ZNF106: variants seen among roughly 807,000 people sequenced by gnomAD.
The protein encoded by ZNF106 is zinc finger protein 106.
ZNF106 carries 67 observed loss-of-function variants against 195.1 expected under a neutral mutation model. The ratio of observed to expected loss-of-function variants is 0.34; its 90% CI spans 0.28 to 0.42. The LOEUF is 0.42. Among genes scored for constraint, ZNF106 ranks in the 10% least tolerant of loss-of-function variants. ZNF106 has a pLI of 1.00. For synonymous variants in ZNF106, 784 were observed against 818.6 expected, an observed-to-expected ratio of 0.96 and a Z score of 0.72; for missense variants, 2,118 against 2,304.5, an observed-to-expected ratio of 0.92 and a Z score of 1.66.
chr15:42,459,612 A>G (rs1194960307), intron 3 of ZNF106, among the ~76,000 whole-genome samples: 3 of 152,242 alleles, frequency 2.0e-5, no homozygotes, highest in Non-Finnish European at 4.4e-5. Context: ...CTGTTTCTCA[A>G]AGCAACACAC....
chr15:42,441,924 C>A, intron 10 of ZNF106, 149 bp downstream of exon 10: 1 of 555,982 alleles, frequency 1.8e-6, no homozygotes, highest in South Asian at 3.0e-5. Flanking sequence ...TAAAAGAATC[C>A]TCCTGTATAT....
At chr15:42,482,695 AT>A (rs1216483715) in intron 1 of ZNF106, among the ~76,000 whole-genome samples, 1 of 151,582 alleles carries the variant, frequency 6.6e-6, no homozygotes, top group African/African-American at 2.4e-5. Flanking sequence ...CACCTGGCTA[AT>A]TTTTTTGTAT....
intron 5 of ZNF106, among the ~76,000 whole-genome samples, chr15:42,449,331 A>G (rs1432134722): frequency 6.6e-6 from 1 of 152,250 alleles, no homozygotes; most frequent in Non-Finnish European, 1.5e-5. Flanking sequence ...TGCCCAGAGT[A>G]CATACAGAAA....
At position 42,417,044 on chromosome 15, in the gene ZNF106, T is replaced by C; in HGVS notation, c.*260A>G. ...AAACATCTGGAGAACGCAAATAGCA[T>C]ATATCACTATATGCCATGCTGTCCC... On this transcript the variant is annotated 3_prime_UTR_variant, in exon 22 of 22. Coordinates refer to ENST00000564754, the MANE Select transcript of ZNF106 (RefSeq NM_001366845.3). 1 of 406,850 alleles carries C rather than the reference T, an allele frequency of 2.5e-6. No individual in the cohort carries two copies. The allele number at this position is 406,850 out of a possible 1,614,324, so 25.2% of individuals were successfully genotyped here.
intron 4 of ZNF106, 78 bp downstream of exon 4, chr15:42,456,880 A>G: frequency 6.0e-6 from 8 of 1,342,296 alleles, no homozygotes; most frequent in Non-Finnish European, 7.2e-6. Flanking sequence ...CCATGGGCTG[A>G]CCAGTACAAA....
chr15:42,488,715 G>A (rs571612225), intron 1 of ZNF106, among the ~76,000 whole-genome samples: 27 of 152,072 alleles, frequency 1.8e-4, no homozygotes, highest in Non-Finnish European at 2.8e-4. Flanking sequence ...CAGACTACAC[G>A]TGCACTAATC....
intron 15 of ZNF106, among the ~76,000 whole-genome samples, chr15:42,426,139 G>T (rs533729106): frequency 6.6e-6 from 1 of 152,082 alleles, no homozygotes; most frequent in Non-Finnish European, 1.5e-5. Context: ...CCCAAAGGTG[G>T]ACCGGCCCTG....
At chr15:42,456,455 C>A (rs973974484) in intron 4 of ZNF106, among the ~76,000 whole-genome samples, 1 of 151,972 alleles carries the variant, frequency 6.6e-6, no homozygotes, top group South Asian at 2.1e-4. Flanking sequence ...TTGAGACCAG[C>A]CTGGCTAATG....
At chr15:42,480,367 ACTCTAGGCTTCTTATG>A (rs2056874443) in intron 1 of ZNF106, among the ~76,000 whole-genome samples, 1 of 151,872 alleles carries the variant, frequency 6.6e-6, no homozygotes, top group Non-Finnish European at 1.5e-5. Context: ...AAATATAACC[ACTCTAGGCTTCTTATG>A]CTACTTTGTA....
chr15:42,419,805 C>G (rs2054591219), intron 20 of ZNF106, among the ~76,000 whole-genome samples: 1 of 152,018 alleles, frequency 6.6e-6, no homozygotes, highest in African/African-American at 2.4e-5. Context: ...CAAAAATTAG[C>G]CAGGTGTGGT....
chr15:42,451,905 G>A lies in ZNF106; in HGVS notation c.367C>T (p.Arg123Ter), dbSNP rs1436705939. The A allele has an allele frequency of 3.7e-6, 6 of 1,613,782 alleles. No homozygotes were observed. Among genetic ancestry groups the A allele is most frequent in the East Asian group, 2.2e-5 (1 of 44,886 alleles). Reference sequence around the variant, plus strand: ...CGGTCTTCTCGTCTCCATTGGGGTCGTCTGTCATCAGAGTTTATTTCTTGG... The same window carrying A: ...CGGTCTTCTCGTCTCCATTGGGGTCATCTGTCATCAGAGTTTATTTCTTGG... ...SNQEINSDDR[R>*]PQWRREDRIP... The change falls in exon 5 of 22, where the codon CGA (arginine) becomes TGA (stop). Residue 123 changes from arginine (R) to a stop codon, truncating the protein, a stop_gained. Coordinates refer to ENST00000564754, the MANE Select transcript of ZNF106 (RefSeq NM_001366845.3). LOFTEE classifies it high-confidence loss of function.
chr15:42,433,032 T>C (rs971108869), intron 14 of ZNF106, among the ~76,000 whole-genome samples: 5 of 152,150 alleles, frequency 3.3e-5, no homozygotes, highest in African/African-American at 1.2e-4. Flanking sequence ...CAATTTGCTA[T>C]TTGCTTTCTA....
At chr15:42,478,778 C>G (rs990090164) in intron 1 of ZNF106, among the ~76,000 whole-genome samples, 1 of 151,928 alleles carries the variant, frequency 6.6e-6, no homozygotes, top group Non-Finnish European at 1.5e-5. Flanking sequence ...TCTGAAAGTG[C>G]TGGGATTACA....
chr15:42,444,112 C>CAAAAAAAAAAA, intron 9 of ZNF106, 90 bp downstream of exon 9: 1 of 246,690 alleles, frequency 4.1e-6, no homozygotes, highest in East Asian at 9.4e-5. Context: ...ACTCTGTCTC[C>CAAAAAAAAAAA]AAAAAAAAAA....
intron 1 of ZNF106, among the ~76,000 whole-genome samples, chr15:42,479,367 T>G (rs985830773): frequency 6.6e-6 from 1 of 151,738 alleles, no homozygotes; most frequent in African/African-American, 2.4e-5. Context: ...AGATCGAAAC[T>G]GTCTCAAAAA....
chr15:42,454,040 GA>G (rs2056143946), intron 4 of ZNF106, among the ~76,000 whole-genome samples: 1 of 152,168 alleles, frequency 6.6e-6, no homozygotes, highest in Non-Finnish European at 1.5e-5. Flanking sequence ...GGCCTTCAGA[GA>G]ATCAACATCT....
In ZNF106 at chr15:42,444,902, G is replaced by C. The variant is rs762763479; in HGVS notation, c.3285C>G (p.Asn1095Lys). ...ELSKSLQCMD[N>K]NLLQARAALQ... ...GGGCTGCACGGGCTTGCAGAAGATT[G>C]TTATCCATGCACTGCAATGACTTAC... is the stretch of plus-strand genomic sequence containing the variant. Residue 1095 changes from asparagine to lysine, a missense_variant, in exon 8 of 22, where the codon AAC becomes AAG. Asn to Lys is a moderately conservative substitution (Grantham distance 94). Coordinates refer to ENST00000564754, the MANE Select transcript of ZNF106 (RefSeq NM_001366845.3). The C allele has an allele frequency of 2.5e-6, 4 of 1,614,200 alleles. No individual in the cohort carries two copies. Among genetic ancestry groups the C allele is most frequent in the Non-Finnish European group, 3.4e-6 (4 of 1,180,024 alleles).
intron 1 of ZNF106, among the ~76,000 whole-genome samples, chr15:42,473,023 A>C (rs978902473): frequency 2.6e-5 from 4 of 151,848 alleles, no homozygotes; most frequent in Non-Finnish European, 4.4e-5. Context: ...AAAAAAAAAA[A>C]CAAGTTTAAG....
chr15:42,463,896 C>T (rs1177747593), intron 3 of ZNF106, among the ~76,000 whole-genome samples: 5 of 152,182 alleles, frequency 3.3e-5, no homozygotes, highest in Admixed American at 6.5e-5. Context: ...CTAACCTTCA[C>T]ATAATAAGAG....
Sources: allele counts gnomAD v4.1 joint callset (sites outside exome capture counted in the v4.1 genomes callset), GRCh38; gene constraint gnomAD v4.1.1; transcripts MANE v1.5; gene names NCBI Gene and HGNC (gene_info 2026-07-23, HGNC 2026-07-21).